The following SRGAP2C variants were observed in gnomAD, a reference collection of about 807,000 sequenced individuals.
SRGAP2C encodes SLIT-ROBO Rho GTPase-activating protein 2C.
A neutral mutation model predicts 25.1 loss-of-function variants in SRGAP2C; 15 were observed. The ratio of observed to expected loss-of-function variants is 0.60; its 90% confidence interval spans 0.40 to 0.92. The LOEUF (loss-of-function observed/expected upper bound fraction) is 0.92, where lower values mean the gene tolerates loss of function less well. SRGAP2C is among the 40% of genes least tolerant of loss of function. The pLI is 0.00. For missense variants in SRGAP2C, 144 were observed against 264.4 expected (o/e 0.54, Z 3.16); for synonymous variants, 44 against 96.6 (o/e 0.46, Z 3.19).
At chr1:121,345,649 C>CTTTT (rs782110661) in intron 4 of SRGAP2C, among the ~76,000 whole-genome samples, 68 of 95,756 alleles carry the variant, frequency 7.1e-4, no homozygotes, top group Admixed American at 2.2e-3. Flanking sequence ...GGTTGCTCTT[C>CTTTT]TTTTTTTTTT....
intron 2 of SRGAP2C, among the ~76,000 whole-genome samples, chr1:121,245,983 GT>G (rs1305251653): frequency 8.3e-6 from 1 of 120,752 alleles, no homozygotes; most frequent in Non-Finnish European, 1.7e-5. Flanking sequence ...GATTTACTTT[GT>G]GTGACCGTAA....
chr1:121,295,764 G>T (rs1657584122), intron 3 of SRGAP2C, among the ~76,000 whole-genome samples: 1 of 150,776 alleles, frequency 6.6e-6, no homozygotes, highest in Admixed American at 6.6e-5. Context: ...TGTTGTTGTT[G>T]TTTGGGTTTT....
chr1:121,213,060 T>TG (rs1285129642), intron 2 of SRGAP2C, among the ~76,000 whole-genome samples: 1 of 151,172 alleles, frequency 6.6e-6, no homozygotes, highest in Non-Finnish European at 1.5e-5. Context: ...TTTTTTTTTT[T>TG]TTTTAGACAG....
At chr1:121,265,193 T>A (rs1424449464) in intron 2 of SRGAP2C, among the ~76,000 whole-genome samples, 2 of 146,314 alleles carry the variant, frequency 1.4e-5, no homozygotes, top group East Asian at 2.0e-4. Context: ...AGTGAGACTC[T>A]GTCTCAAAAA....
At chr1:121,304,079 C>G in intron 3 of SRGAP2C, among the ~76,000 whole-genome samples, 1 of 151,794 alleles carries the variant, frequency 6.6e-6, no homozygotes, top group East Asian at 1.9e-4. Context: ...GGCATGGTGG[C>G]AGGCACATGT....
Position 121,347,512 on chromosome 1 carries a change from C to A in SRGAP2C, c.424-17781C>A, listed in dbSNP as rs1448442271. Among the ~76,000 whole-genome samples the A allele has an allele frequency of 2.0e-5, 3 of 150,992 alleles. No individual in the cohort carries two copies. In the East Asian group the frequency reaches 5.9e-4, roughly 30 times the overall value. The stretch of plus-strand genomic sequence containing the variant: ...AAAATTATAAAAACATACCACAGAG[C>A]TAGTCCACTCTTTATGCCTAGGGTT... On this transcript the variant is annotated intron_variant, in intron 4 of 9. Transcript: ENST00000367123.
intron 2 of SRGAP2C, among the ~76,000 whole-genome samples, chr1:121,224,847 GA>G (rs1553326291): frequency 6.6e-6 from 1 of 151,500 alleles, no homozygotes; most frequent in Admixed American, 6.6e-5. Context: ...AATAGCAAGT[GA>G]AAAGGATGTG....
chr1:121,285,058 G>T (rs1657328738), intron 3 of SRGAP2C, 63 bp downstream of exon 3: 2 of 684,128 alleles, frequency 2.9e-6, no homozygotes, highest in African/African-American at 3.7e-5. Context: ...GTGGAGGGGG[G>T]CAGGGTATGC....
intron 2 of SRGAP2C, among the ~76,000 whole-genome samples, chr1:121,221,989 C>T (rs1322421739): frequency 6.6e-6 from 1 of 152,114 alleles, no homozygotes; most frequent in Non-Finnish European, 1.5e-5. Flanking sequence ...ATGTGGATGT[C>T]ACTCTTCTTC....
chr1:121,272,403 G>A lies in SRGAP2C; in HGVS notation c.68-12400G>A, dbSNP rs1205867656. Among the ~76,000 whole-genome samples, 18 of 151,660 alleles carry A rather than the reference G, an allele frequency of 1.2e-4. 1 individual carries two copies. Among genetic ancestry groups the A allele is most frequent in the Non-Finnish European group, 2.5e-4 (17 of 67,860 alleles). ...TGAGCCCAGGCAGTCCAGTTCCAGGGTCAGACTTTTCTCTGCGGCCTCTCC... is the reference window on the plus strand; with the variant it reads ...TGAGCCCAGGCAGTCCAGTTCCAGGATCAGACTTTTCTCTGCGGCCTCTCC... On this transcript the variant is annotated intron_variant, in intron 2 of 9. Transcript: ENST00000367123.
rs1459362621 is a variant in SRGAP2C at position 121,391,265 on chromosome 1, A to T, written c.*3410A>T. The T allele has an allele frequency of 1.3e-5, 2 of 151,732 alleles. No homozygotes were observed. The highest frequency in any genetic ancestry group is 2.9e-5 in the Non-Finnish European group (2 of 67,950). The allele number at this position is 151,732 out of a possible 1,614,324, so 9.4% of individuals were successfully genotyped here. ...TTCACGTACATGGGAGAGTCTACAA[A>T]GTCACACGTATTCATAGGTTAAGCC... On this transcript the variant is annotated 3_prime_UTR_variant, in exon 10 of 10. Coordinates refer to ENST00000367123, the MANE Select transcript of SRGAP2C (RefSeq NM_001329984.2).
chr1:121,314,818 G>C (rs2101600592), intron 3 of SRGAP2C: 2 of 473,002 alleles, frequency 4.2e-6, no homozygotes, highest in South Asian at 3.5e-5. Context: ...GAGAACCACT[G>C]CTCTCTTCAA....
At chr1:121,310,371 G>C (rs1358735817) in intron 3 of SRGAP2C, among the ~76,000 whole-genome samples, 2 of 132,872 alleles carry the variant, frequency 1.5e-5, no homozygotes, top group East Asian at 2.3e-4. Context: ...CCATGTTGTA[G>C]GTTGCCTGTT....
At chr1:121,378,945 C>A (rs1462043615) in intron 7 of SRGAP2C, among the ~76,000 whole-genome samples, 1 of 152,206 alleles carries the variant, frequency 6.6e-6, no homozygotes, top group Non-Finnish European at 1.5e-5. Flanking sequence ...AAAAGACGTT[C>A]TGAGCTCATT....
Position 121,351,391 on chromosome 1 carries a change from C to T in SRGAP2C, c.424-13902C>T, listed in dbSNP as rs587632572. Among the ~76,000 whole-genome samples, 64 of 151,994 alleles carry T rather than the reference C, an allele frequency of 4.2e-4. No individual in the cohort carries two copies. The East Asian group carries it at 9.9e-3, about 24-fold the overall frequency. On this transcript the variant is annotated intron_variant, in intron 4 of 9. Coordinates refer to ENST00000367123, the MANE Select transcript of SRGAP2C (RefSeq NM_001329984.2). ...TTGGGAGGCTGAGGTGGGCAGATCA[C>T]GAGGTCCGGAGATCGAGACCATCCT...
intron 3 of SRGAP2C, chr1:121,315,141 C>T: frequency 7.7e-6 from 3 of 391,314 alleles, no homozygotes; most frequent in South Asian, 2.3e-5. Flanking sequence ...CCTCTACCTC[C>T]GTCTCTATTT....
intron 4 of SRGAP2C, among the ~76,000 whole-genome samples, chr1:121,335,920 T>G (rs1285540462): frequency 2.6e-5 from 4 of 151,952 alleles, no homozygotes; most frequent in African/African-American, 4.8e-5. Context: ...CTCTGAAGAG[T>G]ATGAAGTTTT....
chr1:121,218,708 C>G (rs1327604999), intron 2 of SRGAP2C, among the ~76,000 whole-genome samples: 2 of 151,656 alleles, frequency 1.3e-5, no homozygotes, highest in African/African-American at 2.4e-5. Flanking sequence ...GATCACACCA[C>G]TGCACTCCAG....
intron 4 of SRGAP2C, among the ~76,000 whole-genome samples, chr1:121,337,492 C>T (rs1429213666): frequency 3.3e-5 from 5 of 149,606 alleles, no homozygotes; most frequent in East Asian, 4.0e-4. Context: ...ATTAGCCAGG[C>T]GTCGTGGTGT....
Sources: gnomAD v4.1 joint callset for allele counts (sites outside exome capture counted in the v4.1 genomes callset) on GRCh38, gnomAD v4.1.1 for gene constraint, MANE v1.5 for transcripts, NCBI Gene and HGNC (gene_info 2026-07-23, HGNC 2026-07-21) for gene names.